PTGFRN: variants seen among roughly 807,000 people sequenced by gnomAD.
The protein encoded by PTGFRN is prostaglandin F2 receptor inhibitor, also known as prostaglandin F2 receptor negative regulator.
Under a neutral mutation model 83.2 loss-of-function variants are expected in PTGFRN, and 35 were observed. The ratio of observed to expected loss-of-function variants is 0.42; its 90% confidence interval spans 0.32 to 0.56. PTGFRN has a LOEUF of 0.56. Among genes scored for constraint, PTGFRN ranks in the 20% least tolerant of loss-of-function variants. The probability of loss-of-function intolerance (pLI) is 0.11; values close to 1 mark genes in which losing one functional copy is unlikely to be tolerated. For missense variants in PTGFRN, 1,051 were observed against 1,179.5 expected, an observed-to-expected ratio of 0.89 and a Z score of 1.60; for synonymous variants, 519 against 498.6, an observed-to-expected ratio of 1.04 and a Z score of -0.55.
At chr1:116,963,189 G>A (rs1337348646) in intron 5 of PTGFRN, among the ~76,000 whole-genome samples, 3 of 152,162 alleles carry the variant, frequency 2.0e-5, no homozygotes, top group Non-Finnish European at 2.9e-5. Context: ...TAAAGTAGTG[G>A]TCACTTGTGA....
intron 7 of PTGFRN, 146 bp from the exon 8 acceptor site, chr1:116,984,534 T>A: frequency 1.4e-6 from 1 of 704,528 alleles, no homozygotes; most frequent in Non-Finnish European, 2.3e-6. Flanking sequence ...GCCTTCATCA[T>A]AGGGCTGTTG....
intron 1 of PTGFRN, among the ~76,000 whole-genome samples, chr1:116,935,296 TCTA>T (rs1389837708): frequency 1.3e-5 from 2 of 152,188 alleles, no homozygotes; most frequent in Admixed American, 1.3e-4. Context: ...GTTACTTACT[TCTA>T]CTTGCTTTCT....
chr1:116,913,665 A>T (rs1050563353), intron 1 of PTGFRN, among the ~76,000 whole-genome samples: 1 of 152,132 alleles, frequency 6.6e-6, no homozygotes, highest in Non-Finnish European at 1.5e-5. Flanking sequence ...GATTTTGTTC[A>T]CTACAATGTC....
chr1:116,959,221 A>G (rs1024022118), intron 4 of PTGFRN, among the ~76,000 whole-genome samples: 2 of 152,222 alleles, frequency 1.3e-5, no homozygotes, highest in African/African-American at 2.4e-5. Flanking sequence ...GCTCAGGTTC[A>G]GGACATCCCC....
intron 6 of PTGFRN, among the ~76,000 whole-genome samples, chr1:116,968,712 C>T (rs1215987576): frequency 6.6e-6 from 1 of 152,150 alleles, no homozygotes; most frequent in East Asian, 1.9e-4. Flanking sequence ...TCCCATGCCC[C>T]CATGCCCTTG....
Position 116,986,850 on chromosome 1 carries a change from G to A in PTGFRN, c.2523G>A (p.Thr841=). ...TGCTGATCGGCGTCGGTCTGTCCAC[G>A]GTCATCGGGCTCCTGTCCTGTCTCA... is the stretch of plus-strand genomic sequence containing the variant. The part of the protein sequence containing the change: ...YPLLIGVGLS[T]VIGLLSCLIG... Residue 841 remains threonine (T), a synonymous_variant, in exon 9 of 9, where the codon ACG becomes ACA. Transcript: ENST00000393203. The A allele has an allele frequency of 8.7e-6, 14 of 1,614,148 alleles. No homozygotes were observed. The highest frequency in any genetic ancestry group is 1.1e-5 in the Non-Finnish European group (13 of 1,179,982).
At chr1:116,920,027 T>C (rs1649501233) in intron 1 of PTGFRN, among the ~76,000 whole-genome samples, 1 of 152,248 alleles carries the variant, frequency 6.6e-6, no homozygotes, top group Non-Finnish European at 1.5e-5. Context: ...CCATGTGGCC[T>C]CTTGGCCCAG....
chr1:116,917,280 T>C (rs959061579), intron 1 of PTGFRN, among the ~76,000 whole-genome samples: 1 of 151,168 alleles, frequency 6.6e-6, no homozygotes, highest in Non-Finnish European at 1.5e-5. Flanking sequence ...GGGTAGTGGC[T>C]CAGGGCACGG....
At chr1:116,913,832 C>T (rs1354892086) in intron 1 of PTGFRN, among the ~76,000 whole-genome samples, 1 of 152,158 alleles carries the variant, frequency 6.6e-6, no homozygotes, top group Non-Finnish European at 1.5e-5. Context: ...GGAGGATAAA[C>T]CCTCAACTAG....
At chr1:116,913,810 G>A (rs1649334291) in intron 1 of PTGFRN, among the ~76,000 whole-genome samples, 2 of 152,190 alleles carry the variant, frequency 1.3e-5, no homozygotes, top group Non-Finnish European at 2.9e-5. Flanking sequence ...ACAGGACAGG[G>A]TAATGTGTTG....
At chr1:116,935,426 T>C (rs1201843412) in intron 1 of PTGFRN, among the ~76,000 whole-genome samples, 3 of 151,440 alleles carry the variant, frequency 2.0e-5, no homozygotes, top group Non-Finnish European at 4.4e-5. Context: ...CCTTGATTGC[T>C]CACCACTGCA....
chr1:116,953,472 C>G (rs766835705), intron 4 of PTGFRN, among the ~76,000 whole-genome samples: 5 of 151,830 alleles, frequency 3.3e-5, no homozygotes, highest in Non-Finnish European at 4.4e-5. Flanking sequence ...TCGGGTGTGT[C>G]GATGAACATT....
Position 116,961,556 on chromosome 1 carries a change from C to T in PTGFRN, c.1527C>T (p.Asp509=). ...GGATCCAAAGGACTACAGAGGAAGACAGAGGCAATTATTACTGTGTTGTGT... is the reference window on the plus strand; with the variant it reads ...GGATCCAAAGGACTACAGAGGAAGATAGAGGCAATTATTACTGTGTTGTGT... ...NFRIQRTTEE[D]RGNYYCVVSA... is the part of the protein sequence containing the mutation. Residue 509 remains aspartate, a synonymous_variant, in exon 5 of 9, where the codon GAC becomes GAT. Transcript: ENST00000393203. This position sits in a 1 kb window ranked among gnomAD's most constrained non-coding sequence, Gnocchi z 5.4. The T allele has an allele frequency of 1.2e-6, 2 of 1,614,166 alleles. No homozygotes were observed. Among genetic ancestry groups the T allele is most frequent in the Non-Finnish European group, 1.7e-6 (2 of 1,180,032 alleles).
At chr1:116,928,951 A>G (rs999005362) in intron 1 of PTGFRN, among the ~76,000 whole-genome samples, 2 of 152,122 alleles carry the variant, frequency 1.3e-5, no homozygotes, top group African/African-American at 2.4e-5. Context: ...TCTAGTGAGT[A>G]TCTCCAGCTT....
At chr1:116,949,772 T>G (rs1247594867) in intron 4 of PTGFRN, among the ~76,000 whole-genome samples, 200 bp downstream of exon 4, 1 of 152,244 alleles carries the variant, frequency 6.6e-6, no homozygotes, top group Non-Finnish European at 1.5e-5. Flanking sequence ...TTAGATAATG[T>G]GGCCTCAGTT....
intron 4 of PTGFRN, among the ~76,000 whole-genome samples, chr1:116,957,864 G>A (rs12043878): frequency 0.052 from 7,840 of 152,026 alleles, 555 homozygotes; most frequent in East Asian, 0.39. Context: ...ACATTATGTG[G>A]TATTTGTCTT....
chr1:116,971,833 T>G (rs1651005014), intron 6 of PTGFRN, among the ~76,000 whole-genome samples: 2 of 152,236 alleles, frequency 1.3e-5, no homozygotes, highest in African/African-American at 4.8e-5. Context: ...TAAGTAAGTC[T>G]TCTTTGCTGC....
Position 116,941,583 on chromosome 1 carries a change from A to T in PTGFRN, c.50-132A>T, listed in dbSNP as rs566819381. The T allele has an allele frequency of 4.5e-5, 56 of 1,249,058 alleles. No homozygotes were observed. In the African/African-American group the frequency reaches 6.9e-4, roughly 15 times the overall value. The allele number at this position is 1,249,058 out of a possible 1,614,324, so 77.4% of individuals were successfully genotyped here. A position where few individuals can be genotyped will look rare whatever the true frequency, so the allele number is the denominator to read the frequency against. On this transcript the variant is annotated intron_variant, in intron 1 of 8. Transcript: ENST00000393203. This position sits in a 1 kb window ranked among gnomAD's most constrained non-coding sequence, Gnocchi z 5.0. The stretch of plus-strand genomic sequence containing the variant: ...GTTAGGCTTAACCTTCTGCATAGAT[A>T]CATTTTCCCTAGTAGTTTGGCTGTC...
At chr1:116,966,252 G>A (rs912215129) in intron 5 of PTGFRN, among the ~76,000 whole-genome samples, 3 of 152,248 alleles carry the variant, frequency 2.0e-5, no homozygotes, top group African/African-American at 4.8e-5. Flanking sequence ...TAAAGTTAGC[G>A]TAGCCATAGA....
Sources: gnomAD v4.1 joint callset for allele counts (sites outside exome capture counted in the v4.1 genomes callset) on GRCh38, gnomAD v4.1.1 for gene constraint, Gnocchi (gnomAD v3.1) non-coding constraint, MANE v1.5 for transcripts, NCBI Gene and HGNC (gene_info 2026-07-23, HGNC 2026-07-21) for gene names.